R3HDM1: variants seen among roughly 807,000 people sequenced by gnomAD.
R3HDM1 encodes R3H domain containing 1.
In R3HDM1, 46 loss-of-function variants were observed where a neutral mutation model predicts 141.1. The observed-to-expected ratio is 0.33, with a 90% CI of 0.26 to 0.42. R3HDM1 has a LOEUF of 0.42. Ranked by LOEUF, R3HDM1 falls within the 10% of genes least tolerant of loss-of-function variation. The pLI, the probability that R3HDM1 is intolerant of heterozygous loss-of-function variation, is 1.00. For missense variants in R3HDM1, 1,184 were observed against 1,368.3 expected, an observed-to-expected ratio of 0.87 and a Z score of 2.12; for synonymous variants, 435 against 472.9, an observed-to-expected ratio of 0.92 and a Z score of 1.04.
At chr2:135,672,521 A>G (rs1409377256) in intron 19 of R3HDM1, among the ~76,000 whole-genome samples, 1 of 151,914 alleles carries the variant, frequency 6.6e-6, no homozygotes, top group African/African-American at 2.4e-5. Context: ...TCTTTTTTTC[A>G]TAAGACTCTA....
chr2:135,625,872 C>T (rs2061964935), intron 7 of R3HDM1, among the ~76,000 whole-genome samples: 1 of 152,196 alleles, frequency 6.6e-6, no homozygotes, highest in South Asian at 2.1e-4. Context: ...TCCCTCTTCC[C>T]CCATACTTCG....
At chr2:135,586,135 A>AT (rs2105044811) in intron 1 of R3HDM1, 1 of 152,328 alleles carries the variant, frequency 6.6e-6, no homozygotes, top group South Asian at 2.1e-4. Context: ...GTGCAACAAT[A>AT]TTTTAATAGC....
At chr2:135,577,715 G>A (rs1198951077) in intron 1 of R3HDM1, among the ~76,000 whole-genome samples, 1 of 151,638 alleles carries the variant, frequency 6.6e-6, no homozygotes, top group African/African-American at 2.4e-5. Flanking sequence ...GTGGGCGCCT[G>A]TAATCCCAGC....
intron 9 of R3HDM1, among the ~76,000 whole-genome samples, chr2:135,634,774 A>T (rs891232586): frequency 6.6e-6 from 1 of 152,238 alleles, no homozygotes; most frequent in Non-Finnish European, 1.5e-5. Flanking sequence ...TTGATATTTG[A>T]ACTATAAAAA....
intron 3 of R3HDM1, among the ~76,000 whole-genome samples, chr2:135,610,934 G>A (rs1353483555): frequency 6.6e-6 from 1 of 151,768 alleles, no homozygotes; most frequent in East Asian, 1.9e-4. Context: ...CGAAGACTTT[G>A]TCTCTACAAA....
At chr2:135,542,180 CTG>C (rs1386600520) in intron 1 of R3HDM1, among the ~76,000 whole-genome samples, 1 of 152,158 alleles carries the variant, frequency 6.6e-6, no homozygotes, top group Non-Finnish European at 1.5e-5. Flanking sequence ...GTGCTCAAAA[CTG>C]TTGGATTTTG....
chr2:135,545,616 T>C (rs558758834), intron 1 of R3HDM1, among the ~76,000 whole-genome samples: 14 of 152,324 alleles, frequency 9.2e-5, no homozygotes, highest in African/African-American at 3.4e-4. Context: ...TGTTTTCCTG[T>C]AGACAATTGG....
At chr2:135,619,143 A>G (rs936110032) in intron 5 of R3HDM1, among the ~76,000 whole-genome samples, 4 of 152,242 alleles carry the variant, frequency 2.6e-5, no homozygotes, top group African/African-American at 9.6e-5. Context: ...TTGACCAAAA[A>G]ACAGATGTTA....
intron 1 of R3HDM1, among the ~76,000 whole-genome samples, chr2:135,582,883 G>A (rs969911947): frequency 3.9e-5 from 6 of 152,254 alleles, no homozygotes; most frequent in African/African-American, 1.2e-4. Flanking sequence ...AAATGCTGCA[G>A]TAAATATAGA....
At chr2:135,720,855 C>CT (rs1233831868) in intron 24 of R3HDM1, among the ~76,000 whole-genome samples, 1 of 152,122 alleles carries the variant, frequency 6.6e-6, no homozygotes, top group African/African-American at 2.4e-5. Context: ...GAGATAAAAA[C>CT]TTAATGTTTA....
rs1048619599 is a variant in R3HDM1 at position 135,632,618 on chromosome 2, A to G, written c.698+617A>G. ...CTGTTACTTGGGAACAGAAGACCCA[A>G]TGCAGAGGCACCCAAGTTATAAAAC... On this transcript the variant is annotated intron_variant, in intron 9 of 26. Transcript: ENST00000683871. Among the ~76,000 whole-genome samples the G allele has an allele frequency of 2.0e-5, 3 of 152,214 alleles. No homozygotes were observed. The East Asian group carries it at 5.8e-4, about 29-fold the overall frequency.
chr2:135,653,922 A>C (rs1160864443), intron 18 of R3HDM1, among the ~76,000 whole-genome samples: 1 of 152,154 alleles, frequency 6.6e-6, no homozygotes, highest in Non-Finnish European at 1.5e-5. Context: ...TTTTTTGTTC[A>C]GGGTTCTTTT....
intron 1 of R3HDM1, among the ~76,000 whole-genome samples, chr2:135,547,767 CTTTT>C (rs56950620): frequency 2.8e-5 from 3 of 107,372 alleles, no homozygotes; most frequent in Non-Finnish European, 5.3e-5. Flanking sequence ...TTTTTCTTTT[CTTTT>C]TTTTTTTTTT....
chr2:135,604,753 G>A (rs1322357653), intron 2 of R3HDM1, 53 bp from the exon 3 acceptor site: 2 of 1,294,326 alleles, frequency 1.5e-6, no homozygotes, highest in Non-Finnish European at 2.2e-6. Context: ...TCAGTATCAT[G>A]CAGTAACTGA....
rs1355999407 is a variant in R3HDM1 at position 135,667,394 on chromosome 2, T to TAAA, written c.2152+6001_2152+6002insAAA. Among the ~76,000 whole-genome samples the TAAA allele has an allele frequency of 6.9e-5, 7 of 101,794 alleles. No individual in the cohort carries two copies. The East Asian group carries it at 3.1e-3, about 45-fold the overall frequency. The allele number at this position is 101,794 out of a possible 152,430, so 66.8% of individuals were successfully genotyped here. ...TTTAACAAAACAGAATGGTAGTGTTTTAAAAAAAAAAATCTATGTTGAGAT... is the reference window on the plus strand; with the variant it reads ...TTTAACAAAACAGAATGGTAGTGTTTAAATAAAAAAAAAAATCTATGTTGAGAT... On this transcript the variant is annotated intron_variant, in intron 19 of 26. Coordinates refer to ENST00000683871, the MANE Select transcript of R3HDM1 (RefSeq NM_001378107.1).
At chr2:135,718,596 A>C (rs2076389526) in intron 24 of R3HDM1, among the ~76,000 whole-genome samples, 1 of 151,834 alleles carries the variant, frequency 6.6e-6, no homozygotes, top group South Asian at 2.1e-4. Context: ...TGATCCTCCC[A>C]CCTCAACCTC....
At chr2:135,547,730 T>C (rs1699005826) in intron 1 of R3HDM1, among the ~76,000 whole-genome samples, 1 of 151,608 alleles carries the variant, frequency 6.6e-6, no homozygotes, top group Non-Finnish European at 1.5e-5. Context: ...GAAATAAACC[T>C]TCTGAGAACT....
intron 26 of R3HDM1, among the ~76,000 whole-genome samples, chr2:135,723,636 G>A (rs1218972996): frequency 6.6e-6 from 1 of 151,290 alleles, no homozygotes; most frequent in Non-Finnish European, 1.5e-5. Context: ...AATTAGCTGG[G>A]CATGGTGGCG....
At chr2:135,657,259 A>C (rs2066029016) in intron 18 of R3HDM1, among the ~76,000 whole-genome samples, 1 of 151,854 alleles carries the variant, frequency 6.6e-6, no homozygotes, top group Non-Finnish European at 1.5e-5. Flanking sequence ...CAAAAAAAAA[A>C]AATTAGCCAG....
Sources: gnomAD v4.1 joint callset for allele counts (sites outside exome capture counted in the v4.1 genomes callset) on GRCh38, gnomAD v4.1.1 for gene constraint, MANE v1.5 for transcripts, NCBI Gene and HGNC (gene_info 2026-07-23, HGNC 2026-07-21) for gene names.